The following PIP4K2B variants were observed in gnomAD, a reference collection of about 807,000 sequenced individuals.
The protein encoded by PIP4K2B is phosphatidylinositol 5-phosphate 4-kinase type-2 beta.
Under a neutral mutation model 42.0 loss-of-function variants are expected in PIP4K2B, and 3 were observed. The ratio of observed to expected loss-of-function variants is 0.07; its 90% CI spans 0.03 to 0.18. The LOEUF (loss-of-function observed/expected upper bound fraction) is 0.18. Ranked by LOEUF, PIP4K2B falls within the 10% of genes least tolerant of loss-of-function variation. PIP4K2B has a pLI of 1.00. For synonymous variants in PIP4K2B, 204 were observed against 210.1 expected (o/e 0.97, Z 0.25); for missense variants, 332 against 562.3 (o/e 0.59, Z 4.14).
At position 38,765,785 on chromosome 17, in the gene PIP4K2B, T is replaced by G. The variant is rs1329883930; in HGVS notation, c.*3906A>C. Reference sequence around the variant, plus strand: ...AAACAGTAACAGGGTCTCAAACTTTTTAAAGCAGACGTTAGACAAGCACAG... The same window carrying G: ...AAACAGTAACAGGGTCTCAAACTTTGTAAAGCAGACGTTAGACAAGCACAG... On this transcript the variant is annotated 3_prime_UTR_variant, in exon 10 of 10. Transcript: ENST00000619039. 3.3e-5 allele frequency: 5 copies of G among 152,776 alleles called. No homozygotes were observed. Among genetic ancestry groups the G allele is most frequent in the African/African-American group, 1.2e-4 (5 of 41,572 alleles). The allele number at this position is 152,776 out of a possible 1,614,324, so 9.5% of individuals were successfully genotyped here. A position where few individuals can be genotyped will look rare whatever the true frequency, so the allele number is the denominator to read the frequency against.
intron 3 of PIP4K2B, 134 bp downstream of exon 3, chr17:38,784,109 C>A (rs934122770): frequency 6.6e-5 from 40 of 604,668 alleles, no homozygotes; most frequent in Non-Finnish European, 1.1e-4. Context: ...GGAGAGACCG[C>A]CTGGGCTGGA....
At chr17:38,776,694 A>T (rs540652760) in intron 7 of PIP4K2B, 5 of 392,576 alleles carry the variant, frequency 1.3e-5, no homozygotes, top group African/African-American at 4.3e-5. Flanking sequence ...TACCACAATT[A>T]AAAAAAATTT....
intron 7 of PIP4K2B, among the ~76,000 whole-genome samples, chr17:38,777,466 A>T (rs945666105): frequency 2.6e-5 from 4 of 152,170 alleles, no homozygotes; most frequent in Non-Finnish European, 5.9e-5. Flanking sequence ...AAGCATTCTA[A>T]ACTAAATTAC....
chr17:38,777,292 T>C (rs1342865680), intron 7 of PIP4K2B, among the ~76,000 whole-genome samples: 1 of 152,170 alleles, frequency 6.6e-6, no homozygotes, highest in East Asian at 1.9e-4. Context: ...ATTGAACTGC[T>C]GAGCTCAAGC....
chr17:38,784,168 A>G, intron 3 of PIP4K2B, 75 bp downstream of exon 3: 1 of 876,848 alleles, frequency 1.1e-6, no homozygotes, highest in Non-Finnish European at 1.9e-6. Flanking sequence ...ACACGTTTTG[A>G]TTCTCTACCT....
chr17:38,779,768 C>T, intron 4 of PIP4K2B: 1 of 503,016 alleles, frequency 2.0e-6, no homozygotes, highest in East Asian at 2.9e-5. Context: ...TGGCTCAGAG[C>T]CCCTGTGGGT....
rs897478677 is a variant in PIP4K2B at position 38,769,459 on chromosome 17, G to A, written c.*232C>T. The A allele has an allele frequency of 1.9e-6, 1 of 516,714 alleles. No individual in the cohort carries two copies. The highest frequency in any genetic ancestry group is 3.4e-6 in the Non-Finnish European group (1 of 290,246). The allele number at this position is 516,714 out of a possible 1,614,324, so 32.0% of individuals were successfully genotyped here. ...GTGTCAAATGGGGAGAAAAAATCAAGGGTAAGCAGAAGGTGGGGTTACATC... is the reference window on the plus strand; with the variant it reads ...GTGTCAAATGGGGAGAAAAAATCAAAGGTAAGCAGAAGGTGGGGTTACATC... On this transcript the variant is annotated 3_prime_UTR_variant, in exon 10 of 10. Coordinates refer to ENST00000619039, the MANE Select transcript of PIP4K2B (RefSeq NM_003559.5).
chr17:38,770,962 G>T lies in PIP4K2B; in HGVS notation c.1066+52C>A, dbSNP rs1235314995. The stretch of plus-strand genomic sequence containing the variant: ...TAGAAGGATCTAAACAATGAGCTGA[G>T]GGGGTAGGATGAGGGCAGGGCTGTG... On this transcript the variant is annotated intron_variant, in intron 8 of 9. Transcript: ENST00000619039. 3.7e-6 allele frequency: 6 copies of T among 1,600,912 alleles called. No individual in the cohort carries two copies. The East Asian group carries it at 1.3e-4, about 36-fold the overall frequency.
chr17:38,769,487 G>A lies in PIP4K2B; in HGVS notation c.*204C>T, dbSNP rs929250452. 6.9e-6 allele frequency: 4 copies of A among 578,716 alleles called. No homozygotes were observed. Among genetic ancestry groups the A allele is most frequent in the African/African-American group, 5.6e-5 (3 of 53,862 alleles). 35.8% of individuals were successfully genotyped at this position (578,716 alleles called of 1,614,324 possible). On this transcript the variant is annotated 3_prime_UTR_variant, in exon 10 of 10. Transcript: ENST00000619039. ...TAAGCAGAAGGTGGGGTTACATCCTGTGAGCAGGTGCACACACAGCACATC... is the reference window on the plus strand; with the variant it reads ...TAAGCAGAAGGTGGGGTTACATCCTATGAGCAGGTGCACACACAGCACATC...
intron 3 of PIP4K2B, 33 bp from the exon 4 acceptor site, chr17:38,780,637 G>C (rs752266564): frequency 6.3e-7 from 1 of 1,596,562 alleles, no homozygotes; most frequent in African/African-American, 1.3e-5. Context: ...GCTGGGCTTG[G>C]CAGGGGAACA....
intron 1 of PIP4K2B, among the ~76,000 whole-genome samples, chr17:38,797,538 T>TAATTA (rs1289462411): frequency 6.6e-6 from 1 of 152,240 alleles, no homozygotes; most frequent in Non-Finnish European, 1.5e-5. Flanking sequence ...CATCTCTTGC[T>TAATTA]GTAACCACAG....
chr17:38,787,032 CTCTG>C lies in PIP4K2B; in HGVS notation c.160-116_160-113del, dbSNP rs1196949251. On this transcript the variant is annotated intron_variant, in intron 1 of 9. Coordinates refer to ENST00000619039, the MANE Select transcript of PIP4K2B (RefSeq NM_003559.5). ...GCTAAAAGCATGTCCAAGTTTCCCT[CTCTG>C]TCTTTTTTTGTTTTTTTGAGACAGG... 121 of 780,394 alleles carry C rather than the reference CTCTG, an allele frequency of 1.6e-4. 2 individuals are homozygous for C. The highest frequency in any genetic ancestry group is 3.4e-4 in the African/African-American group (20 of 58,114). The allele number at this position is 780,394 out of a possible 1,614,324, so 48.3% of individuals were successfully genotyped here.
chr17:38,790,186 C>CA (rs754269940), intron 1 of PIP4K2B, among the ~76,000 whole-genome samples: 18 of 151,454 alleles, frequency 1.2e-4, no homozygotes, highest in South Asian at 6.2e-4. Flanking sequence ...TCCCAATAGC[C>CA]AAAAAAAACC....
intron 7 of PIP4K2B, among the ~76,000 whole-genome samples, chr17:38,774,061 C>A (rs1216845536): frequency 1.3e-5 from 2 of 152,180 alleles, no homozygotes; most frequent in Non-Finnish European, 2.9e-5. Context: ...CCTAGCAAAA[C>A]GAAGTTTATG....
intron 1 of PIP4K2B, among the ~76,000 whole-genome samples, chr17:38,796,126 A>C (rs931788918): frequency 2.0e-5 from 3 of 152,206 alleles, no homozygotes; most frequent in African/African-American, 7.2e-5. Flanking sequence ...TGACGGAGTG[A>C]GACTCCATCA....
At position 38,767,343 on chromosome 17, in the gene PIP4K2B, GGGGCCAAACTCAA is replaced by G. The variant is rs1431535767; in HGVS notation, c.*2335_*2347del. The G allele has an allele frequency of 7.2e-5, 11 of 151,886 alleles. No individual in the cohort carries two copies. Among genetic ancestry groups the G allele is most frequent in the Admixed American group, 3.3e-4 (5 of 15,254 alleles). 9.4% of individuals were successfully genotyped at this position (151,886 alleles called of 1,614,324 possible). On this transcript the variant is annotated 3_prime_UTR_variant, in exon 10 of 10. Transcript: ENST00000619039. ...TTAAACATTTGAATGCCAAAAATTG[GGGGCCAAACTCAA>G]GGTTTTGAAGATAGCACAGCGAATG...
chr17:38,787,301 C>T (rs942030784), intron 1 of PIP4K2B, among the ~76,000 whole-genome samples: 2 of 152,232 alleles, frequency 1.3e-5, no homozygotes, highest in East Asian at 1.9e-4. Context: ...GTGTCAGCCA[C>T]CACACCTGGC....
Position 38,771,011 on chromosome 17 carries a change from T to C in PIP4K2B, c.1066+3A>G, listed in dbSNP as rs1390342349. 2 of 1,613,970 alleles carry C rather than the reference T, an allele frequency of 1.2e-6. No homozygotes were observed. The highest frequency in any genetic ancestry group is 1.3e-5 in the African/African-American group (1 of 74,972). On this transcript the variant is annotated splice_donor_region_variant and intron_variant, in intron 8 of 9. Coordinates refer to ENST00000619039, the MANE Select transcript of PIP4K2B (RefSeq NM_003559.5). ...TGCAGAGCAGGCGCAGGCTCTGACTTACTTTCATGGCTTTTCATGGCATAG... is the reference window on the plus strand; with the variant it reads ...TGCAGAGCAGGCGCAGGCTCTGACTCACTTTCATGGCTTTTCATGGCATAG...
At position 38,766,692 on chromosome 17, in the gene PIP4K2B, CCT is replaced by C. The variant is rs1434498866; in HGVS notation, c.*2997_*2998del. ...TGGCGCCTGCCACAGACCAGCAACCCCTGAGCTAAAGAAGGAGAGGTGGAGCA... is the reference window on the plus strand; with the variant it reads ...TGGCGCCTGCCACAGACCAGCAACCCGAGCTAAAGAAGGAGAGGTGGAGCA... On this transcript the variant is annotated 3_prime_UTR_variant, in exon 10 of 10. Coordinates refer to ENST00000619039, the MANE Select transcript of PIP4K2B (RefSeq NM_003559.5). 1 of 152,778 alleles carries C rather than the reference CCT, an allele frequency of 6.5e-6. No homozygotes were observed. Among genetic ancestry groups the C allele is most frequent in the African/African-American group, 2.4e-5 (1 of 41,460 alleles). The allele number at this position is 152,778 out of a possible 1,614,324, so 9.5% of individuals were successfully genotyped here. A position where few individuals can be genotyped will look rare whatever the true frequency, so the allele number is the denominator to read the frequency against.
Sources: gnomAD v4.1 joint callset for allele counts (sites outside exome capture counted in the v4.1 genomes callset) on GRCh38, gnomAD v4.1.1 for gene constraint, MANE v1.5 for transcripts, NCBI Gene and HGNC (gene_info 2026-07-23, HGNC 2026-07-21) for gene names.